Variants in PIGG observed in about 807,000 individuals in gnomAD.
PIGG encodes the protein phosphatidylinositol glycan anchor biosynthesis class G (EMM blood group).
Under a neutral mutation model 83.2 loss-of-function variants are expected in PIGG, and 70 were observed. The observed-to-expected ratio is 0.84, with a 90% CI of 0.69 to 1.03. The LOEUF is 1.03. PIGG is among the 50% of genes least tolerant of loss of function. The pLI, the probability that PIGG is intolerant of heterozygous loss-of-function variation, is 0.00. For missense variants in PIGG, 1,257 were observed against 1,233.6 expected (o/e 1.02, Z -0.28); for synonymous variants, 532 against 519.5 (o/e 1.02, Z -0.33).
intron 8 of PIGG, chr4:522,327 C>T (rs926010711): frequency 4.7e-5 from 21 of 446,768 alleles, no homozygotes; most frequent in African/African-American, 1.6e-4. Flanking sequence ...AAGAGACAAT[C>T]GGCCTGGACA....
At chr4:512,795 C>T (rs956476644) in intron 5 of PIGG, among the ~76,000 whole-genome samples, 11 of 152,034 alleles carry the variant, frequency 7.2e-5, no homozygotes, top group East Asian at 3.9e-4. Context: ...AGCTTGGCGA[C>T]GGAGTGAGAC....
In PIGG at chr4:499,331, C is replaced by T; in HGVS notation, c.-5C>T. 3 of 1,606,656 alleles carry T rather than the reference C, an allele frequency of 1.9e-6. No individual in the cohort carries two copies. The highest frequency in any genetic ancestry group is 1.7e-6 in the Non-Finnish European group (2 of 1,179,734). ...CGGTTCCGCATCCAGCCTAGCGTGT[C>T]CACGATGCGGCTGGGCTCCGGGACT... On this transcript the variant is annotated 5_prime_UTR_variant, in exon 1 of 13. Coordinates refer to ENST00000453061, the MANE Select transcript of PIGG (RefSeq NM_001127178.3).
rs1398469967 is a variant in PIGG, at chr4:523,661, C to T, written c.1817C>T (p.Pro606Leu). Residue 606 changes from proline (P) to leucine (L), a missense_variant, in exon 9 of 13, where the codon CCG (proline) becomes CTG (leucine). Transcript: ENST00000453061. ...NYFLGDDGEPPCGLCVEQGHD... is the reference protein window; with the variant it reads ...NYFLGDDGEPLCGLCVEQGHD... ...TTTCTGGGAGATGACGGTGAGCCTC[C>T]GTGTGGCCTCTGTGTGGAACAAGGG... The T allele has an allele frequency of 1.5e-5, 24 of 1,614,050 alleles. No homozygotes were observed. In the African/African-American group the frequency reaches 1.6e-4, roughly 11 times the overall value.
chr4:511,783 A>C (rs1344598523), intron 5 of PIGG, among the ~76,000 whole-genome samples: 1 of 152,216 alleles, frequency 6.6e-6, no homozygotes, highest in African/African-American at 2.4e-5. Flanking sequence ...TGTAAGGCAG[A>C]TTTGCTAGCA....
rs1726045567 is a variant in PIGG, at chr4:521,924, G to A, written c.1597G>A (p.Gly533Arg). The A allele has an allele frequency of 1.2e-6, 2 of 1,614,164 alleles. No individual in the cohort carries two copies. Among genetic ancestry groups the A allele is most frequent in the East Asian group, 2.2e-5 (1 of 44,870 alleles). Residue 533 changes from glycine (G) to arginine (R), a missense_variant, in exon 8 of 13, where the codon GGA (glycine) becomes AGA (arginine). Transcript: ENST00000453061. ...VSVLTNVLVGGNTPRKNPMHP... is the reference protein window; with the variant it reads ...VSVLTNVLVGRNTPRKNPMHP... ...TGTTCTGACCAACGTGCTCGTGGGT[G>A]GAAACACCCCAAGGAAGGTACGTAC...
intron 5 of PIGG, among the ~76,000 whole-genome samples, chr4:513,683 G>A (rs192522303): frequency 9.8e-5 from 15 of 152,298 alleles, no homozygotes; most frequent in South Asian, 4.1e-4. Context: ...GGTAGAGACC[G>A]GCGGTGAAAG....
intron 10 of PIGG, among the ~76,000 whole-genome samples, chr4:529,429 T>A (rs908037251): frequency 6.6e-5 from 10 of 152,228 alleles, no homozygotes; most frequent in African/African-American, 2.4e-4. Context: ...GTGCTCAGGC[T>A]GTTTGAACTA....
chr4:503,877 C>G (rs1264938291), intron 2 of PIGG, among the ~76,000 whole-genome samples: 1 of 139,896 alleles, frequency 7.1e-6, no homozygotes, highest in Non-Finnish European at 1.6e-5. Flanking sequence ...CACACACACA[C>G]ACACACACAG....
chr4:533,570 G>A lies in PIGG; in HGVS notation c.2572-248G>A, dbSNP rs568637456. On this transcript the variant is annotated intron_variant, in intron 11 of 12. Transcript: ENST00000453061. The stretch of plus-strand genomic sequence containing the variant: ...TCAGAGGGGGCCCCAGCTTCTGCAC[G>A]GTCCGCTCACGTGCCCTTCCGCAGC... 2.9e-3 allele frequency: 1,546 copies of A among 536,390 alleles called. 21 individuals are homozygous for A. Among genetic ancestry groups the A allele is most frequent in the African/African-American group, 0.027 (1,397 of 52,632 alleles). The allele number at this position is 536,390 out of a possible 1,614,324, so 33.2% of individuals were successfully genotyped here.
chr4:530,339 T>C (rs1339954892), intron 10 of PIGG, 97 bp from the exon 11 acceptor site: 4 of 844,714 alleles, frequency 4.7e-6, no homozygotes, highest in Non-Finnish European at 1.9e-6. Context: ...GGACATTTAC[T>C]GGTTCCCTGG....
At chr4:531,027 G>T in intron 11 of PIGG, 1 of 415,104 alleles carries the variant, frequency 2.4e-6, no homozygotes, top group Non-Finnish European at 4.3e-6. Flanking sequence ...CAGACATCAC[G>T]TTGTTCACTT....
In PIGG at chr4:527,117, C is replaced by T. The variant is rs2108995247; in HGVS notation, c.2148C>T (p.Cys716=). ...LVVFVLVQRG[C]SPVSKAALAL... Reference sequence around the variant, plus strand: ...TTTTTGTGCTGGTGCAGAGGGGGTGCTCCCCTGTGTCCAAGGCTGCCCTGG... The same window carrying T: ...TTTTTGTGCTGGTGCAGAGGGGGTGTTCCCCTGTGTCCAAGGCTGCCCTGG... The change falls in exon 10 of 13, where the codon TGC becomes TGT. Residue 716 remains cysteine, a synonymous_variant. Coordinates refer to ENST00000453061, the MANE Select transcript of PIGG (RefSeq NM_001127178.3). 6.2e-7 allele frequency: 1 copy of T among 1,614,166 alleles called. No individual in the cohort carries two copies. Among genetic ancestry groups the T allele is most frequent in the Non-Finnish European group, 8.5e-7 (1 of 1,180,014 alleles).
At position 531,017 on chromosome 4, in the gene PIGG, C is replaced by G. The variant is rs147023036; in HGVS notation, c.2571+272C>G. The stretch of plus-strand genomic sequence containing the variant: ...TTTATTACAAGCAGTTCAGGAAGCA[C>G]AGACATCACGTTGTTCACTTGCTTC... On this transcript the variant is annotated intron_variant, in intron 11 of 12. Coordinates refer to ENST00000453061, the MANE Select transcript of PIGG (RefSeq NM_001127178.3). 2.1e-4 allele frequency: 93 copies of G among 444,346 alleles called. 1 individual carries two copies. Among genetic ancestry groups the G allele is most frequent in the Non-Finnish European group, 3.6e-4 (91 of 252,034 alleles). The allele number at this position is 444,346 out of a possible 1,614,324, so 27.5% of individuals were successfully genotyped here. A position where few individuals can be genotyped will look rare whatever the true frequency, so the allele number is the denominator to read the frequency against.
Position 528,671 on chromosome 4 carries a change from G to A in PIGG, c.2261+1441G>A. ...GCTCATCCAAATGGATGTTACATTT[G>A]CGGGTGTGTGTTTAAGGTGCAGCGT... is the stretch of plus-strand genomic sequence containing the variant. On this transcript the variant is annotated intron_variant, in intron 10 of 12. Transcript: ENST00000453061. This position sits in a 1 kb window ranked among gnomAD's most constrained non-coding sequence, Gnocchi z 4.8. 1 of 985,366 alleles carries A rather than the reference G, an allele frequency of 1.0e-6. No homozygotes were observed. The highest frequency in any genetic ancestry group is 4.7e-5 in the South Asian group (1 of 21,286). The allele number at this position is 985,366 out of a possible 1,614,324, so 61.0% of individuals were successfully genotyped here.
intron 5 of PIGG, among the ~76,000 whole-genome samples, chr4:511,036 G>A (rs1310351288): frequency 6.6e-6 from 1 of 152,168 alleles, no homozygotes; most frequent in African/African-American, 2.4e-5. Flanking sequence ...GCTCTCACCT[G>A]TAATCCCAGC....
chr4:526,184 T>C (rs1190281596), intron 9 of PIGG, among the ~76,000 whole-genome samples: 3 of 152,264 alleles, frequency 2.0e-5, no homozygotes, highest in Non-Finnish European at 1.5e-5. Context: ...TCTATTTTAT[T>C]ATTATAACAA....
intron 6 of PIGG, among the ~76,000 whole-genome samples, chr4:519,337 C>A (rs549055126): frequency 2.0e-5 from 3 of 152,342 alleles, no homozygotes; most frequent in Admixed American, 2.0e-4. Flanking sequence ...GCACGTCGTC[C>A]ACGCTCCATG....
chr4:535,449 C>CGTCTCCGTGTGCTGA (rs1560383428), intron 12 of PIGG, among the ~76,000 whole-genome samples: 7 of 152,110 alleles, frequency 4.6e-5, no homozygotes, highest in African/African-American at 1.5e-4. Context: ...TCCTCCCGGG[C>CGTCTCCGTGTGCTGA]AGGCGAGCGT....
At chr4:516,288 T>C in intron 6 of PIGG, 103 bp downstream of exon 6, 1 of 740,816 alleles carries the variant, frequency 1.3e-6, no homozygotes. Context: ...CACAGGAGTA[T>C]TTTTTCATCA....
Sources: allele counts gnomAD v4.1 joint callset (sites outside exome capture counted in the v4.1 genomes callset), GRCh38; gene constraint gnomAD v4.1.1; non-coding constraint Gnocchi (gnomAD v3.1); transcripts MANE v1.5; gene names NCBI Gene and HGNC (gene_info 2026-07-23, HGNC 2026-07-21).